ATRNL1: variants seen among roughly 807,000 people sequenced by gnomAD.
The protein encoded by ATRNL1 is attractin like 1.
In ATRNL1, 95 loss-of-function variants were observed where a neutral mutation model predicts 182.7. The ratio of observed to expected loss-of-function variants is 0.52; its 90% CI spans 0.44 to 0.62. ATRNL1 has a LOEUF of 0.62. Among genes scored for constraint, ATRNL1 ranks in the 20% least tolerant of loss-of-function variants. ATRNL1 has a pLI of 0.00. For missense variants in ATRNL1, 1,471 were observed against 1,679.5 expected, an observed-to-expected ratio of 0.88 and a Z score of 2.17; for synonymous variants, 576 against 568.3, an observed-to-expected ratio of 1.01 and a Z score of -0.19.
intron 26 of ATRNL1, among the ~76,000 whole-genome samples, chr10:115,564,627 A>G (rs782663072): frequency 6.6e-6 from 1 of 152,032 alleles, no homozygotes; most frequent in East Asian, 1.9e-4. Context: ...ACATGTTTTC[A>G]TATCTATTTT....
At chr10:115,228,779 T>G (rs1849804640) in intron 9 of ATRNL1, among the ~76,000 whole-genome samples, 1 of 151,054 alleles carries the variant, frequency 6.6e-6, no homozygotes, top group Admixed American at 6.6e-5. Flanking sequence ...TTTTTTTTTT[T>G]TTTGAGATGA....
chr10:115,370,817 C>T (rs886288674), intron 19 of ATRNL1, among the ~76,000 whole-genome samples: 7 of 152,228 alleles, frequency 4.6e-5, no homozygotes, highest in Non-Finnish European at 1.0e-4. Context: ...GAATGCTAAT[C>T]ACCAAGACAG....
At chr10:115,713,705 C>CTATCTATCTATCATCT (rs1555055340) in intron 26 of ATRNL1, among the ~76,000 whole-genome samples, 1,081 of 101,082 alleles carry the variant, frequency 0.011, 8 homozygotes, top group East Asian at 0.072. Flanking sequence ...ATCTATCTAT[C>CTATCTATCTATCATCT]ATCTATCTAT....
intron 26 of ATRNL1, among the ~76,000 whole-genome samples, chr10:115,677,478 G>C (rs951128166): frequency 6.6e-6 from 1 of 151,960 alleles, no homozygotes; most frequent in Non-Finnish European, 1.5e-5. Context: ...GGGACCCAGG[G>C]GGAGGTAATT....
At chr10:115,902,000 G>T (rs1231809652) in intron 28 of ATRNL1, among the ~76,000 whole-genome samples, 1 of 152,056 alleles carries the variant, frequency 6.6e-6, no homozygotes, top group Non-Finnish European at 1.5e-5. Context: ...GGTAAATTAT[G>T]TTTTCTTTTT....
At chr10:115,377,433 G>A (rs1456182945) in intron 19 of ATRNL1, among the ~76,000 whole-genome samples, 1 of 152,106 alleles carries the variant, frequency 6.6e-6, no homozygotes, top group Non-Finnish European at 1.5e-5. Context: ...TCGCAGTCTT[G>A]GGTATGTCTT....
chr10:115,404,777 TC>T (rs1554957797), intron 20 of ATRNL1, among the ~76,000 whole-genome samples: 1 of 150,672 alleles, frequency 6.6e-6, no homozygotes, highest in African/African-American at 2.4e-5. Flanking sequence ...TGTTCTTTAA[TC>T]CCCATTCATC....
chr10:115,616,204 C>G (rs782738983), intron 26 of ATRNL1, among the ~76,000 whole-genome samples: 8 of 152,114 alleles, frequency 5.3e-5, no homozygotes, highest in Non-Finnish European at 1.0e-4. Context: ...TATTGTTGCC[C>G]TAGTGATCTG....
chr10:115,206,084 G>C (rs1848784485), intron 8 of ATRNL1, among the ~76,000 whole-genome samples: 1 of 151,988 alleles, frequency 6.6e-6, no homozygotes, highest in East Asian at 1.9e-4. Context: ...GGATATTTCT[G>C]TTGCATATAG....
At chr10:115,656,000 T>G (rs1168624535) in intron 26 of ATRNL1, among the ~76,000 whole-genome samples, 1 of 152,166 alleles carries the variant, frequency 6.6e-6, no homozygotes, top group Non-Finnish European at 1.5e-5. Context: ...AGTTTTCTCT[T>G]TATTATGTTA....
chr10:115,775,504 A>G (rs1949100814), intron 27 of ATRNL1, among the ~76,000 whole-genome samples: 1 of 152,220 alleles, frequency 6.6e-6, no homozygotes, highest in Admixed American at 6.5e-5. Flanking sequence ...ATATAACAAA[A>G]TTAACATGAA....
rs577070998 is a variant in ATRNL1 at position 115,460,744 on chromosome 10, A to G, written c.3323-1197A>G. Among the ~76,000 whole-genome samples, 3 of 152,244 alleles carry G rather than the reference A, an allele frequency of 2.0e-5. No individual in the cohort carries two copies. The East Asian group carries it at 5.8e-4, about 29-fold the overall frequency. ...GAAAGCTGGAAGCATACTCCTACCT[A>G]ACAGTATCTCCCTCCTCTTCACTGG... On this transcript the variant is annotated intron_variant, in intron 21 of 28. Transcript: ENST00000355044.
chr10:115,220,881 T>C (rs1158394825), intron 9 of ATRNL1, among the ~76,000 whole-genome samples: 9 of 152,136 alleles, frequency 5.9e-5, no homozygotes, highest in Admixed American at 4.6e-4. Context: ...AATTATCACT[T>C]GCCACTCACT....
intron 28 of ATRNL1, among the ~76,000 whole-genome samples, chr10:115,889,846 C>G (rs782722249): frequency 6.6e-6 from 1 of 152,146 alleles, no homozygotes; most frequent in African/African-American, 2.4e-5. Context: ...GAAATAGACT[C>G]TAAGGAAACA....
chr10:115,388,171 C>T (rs927866194), intron 19 of ATRNL1, among the ~76,000 whole-genome samples: 7 of 152,120 alleles, frequency 4.6e-5, no homozygotes. Flanking sequence ...AGGCCTTTTA[C>T]AGTTTTTCAT....
At chr10:115,681,440 G>T (rs540664669) in intron 26 of ATRNL1, among the ~76,000 whole-genome samples, 142 of 152,192 alleles carry the variant, frequency 9.3e-4, no homozygotes, top group African/African-American at 3.1e-3. Flanking sequence ...TGTCAAAACT[G>T]ATAGCAGTAG....
At chr10:115,800,891 G>A (rs1045245179) in intron 27 of ATRNL1, among the ~76,000 whole-genome samples, 3 of 152,124 alleles carry the variant, frequency 2.0e-5, no homozygotes, top group African/African-American at 7.2e-5. Context: ...AATGTCTGTT[G>A]GTTAAGCCAC....
At chr10:115,594,864 G>A (rs1856135397) in intron 26 of ATRNL1, among the ~76,000 whole-genome samples, 1 of 152,152 alleles carries the variant, frequency 6.6e-6, no homozygotes, top group African/African-American at 2.4e-5. Flanking sequence ...GTGGTTTGTG[G>A]CTCCAAGTCA....
At chr10:115,309,422 C>T (rs1257790117) in intron 17 of ATRNL1, among the ~76,000 whole-genome samples, 2 of 151,954 alleles carry the variant, frequency 1.3e-5, no homozygotes, top group East Asian at 3.8e-4. Context: ...GATGTGTTTC[C>T]ATTTGTTTTT....
Sources: gnomAD v4.1 joint callset for allele counts (sites outside exome capture counted in the v4.1 genomes callset) on GRCh38, gnomAD v4.1.1 for gene constraint, MANE v1.5 for transcripts, NCBI Gene and HGNC (gene_info 2026-07-23, HGNC 2026-07-21) for gene names.